The following MCF2L2 variants were observed in gnomAD, a reference collection of about 807,000 sequenced individuals.
MCF2L2 encodes the protein probable guanine nucleotide exchange factor MCF2L2.
A neutral mutation model predicts 150.2 loss-of-function variants in MCF2L2; 102 were observed. That is an observed-to-expected ratio of 0.68 (90% CI 0.58 to 0.80). The LOEUF is 0.80. Ranked by LOEUF, MCF2L2 falls within the 30% of genes least tolerant of loss-of-function variation. MCF2L2 has a pLI of 0.00. For missense variants in MCF2L2, 1,256 were observed against 1,372.8 expected, an observed-to-expected ratio of 0.91 and a Z score of 1.34; for synonymous variants, 465 against 491.3, an observed-to-expected ratio of 0.95 and a Z score of 0.71.
chr3:183,294,402 A>G (rs1162666236), intron 13 of MCF2L2, among the ~76,000 whole-genome samples: 1 of 151,816 alleles, frequency 6.6e-6, no homozygotes, highest in African/African-American at 2.4e-5. Flanking sequence ...CCCAGGCTGG[A>G]GGGCAATGGC....
At chr3:183,334,091 A>G (rs1730375409) in intron 5 of MCF2L2, among the ~76,000 whole-genome samples, 1 of 152,188 alleles carries the variant, frequency 6.6e-6, no homozygotes, top group African/African-American at 2.4e-5. Flanking sequence ...TGAATGACAA[A>G]CCACTGAAAA....
intron 25 of MCF2L2, among the ~76,000 whole-genome samples, chr3:183,202,157 G>A (rs1722309603): frequency 6.6e-6 from 1 of 152,118 alleles, no homozygotes; most frequent in South Asian, 2.1e-4. Context: ...TATTTGATCT[G>A]TCCACGGGTT....
chr3:183,238,021 T>C (rs1723819475), intron 15 of MCF2L2, among the ~76,000 whole-genome samples: 1 of 143,656 alleles, frequency 7.0e-6, no homozygotes, highest in Non-Finnish European at 1.5e-5. Context: ...TTGAGTGAGA[T>C]TCTTAATCCT....
At chr3:183,397,621 A>G (rs565284695) in intron 1 of MCF2L2, among the ~76,000 whole-genome samples, 2 of 152,362 alleles carry the variant, frequency 1.3e-5, no homozygotes, top group East Asian at 3.9e-4. Flanking sequence ...CTGATGGATT[A>G]GTGATTATCT....
chr3:183,206,910 AAAGAAAGGAAGGAAGGAAGGAAGGAAGG>A (rs1354283737), intron 23 of MCF2L2, among the ~76,000 whole-genome samples: 4 of 143,758 alleles, frequency 2.8e-5, no homozygotes, highest in African/African-American at 1.0e-4. Context: ...AGACAGAAAG[AAAGAAAGGAAGGAAGGAAGGAAGGAAGG>A]AAGGAAGGAA....
chr3:183,367,419 G>T (rs763077113), intron 3 of MCF2L2, among the ~76,000 whole-genome samples: 1 of 151,742 alleles, frequency 6.6e-6, no homozygotes, highest in Non-Finnish European at 1.5e-5. Flanking sequence ...TAGTAGAGAT[G>T]GGATTTCACC....
chr3:183,328,353 G>A (rs895542219), intron 5 of MCF2L2, among the ~76,000 whole-genome samples: 8 of 152,134 alleles, frequency 5.3e-5, no homozygotes, highest in Admixed American at 2.6e-4. Context: ...ATCCACAGCT[G>A]GTAGGTCAGA....
In MCF2L2 at chr3:183,341,634, C is replaced by T. The variant is rs987649124; in HGVS notation, c.276-4G>A. 1.2e-6 allele frequency: 2 copies of T among 1,608,562 alleles called. No individual in the cohort carries two copies. The highest frequency in any genetic ancestry group is 2.7e-5 in the African/African-American group (2 of 74,932). On this transcript the variant is annotated splice_polypyrimidine_tract_variant and splice_region_variant and intron_variant, in intron 3 of 29. Transcript: ENST00000328913. Reference sequence around the variant, plus strand: ...TCCAATGCTGGCAGCCTCCACACTGCAAAGAAGGGTGGTCAGTGTCAGAGA... The same window carrying T: ...TCCAATGCTGGCAGCCTCCACACTGTAAAGAAGGGTGGTCAGTGTCAGAGA...
rs996502717 is a variant in MCF2L2 at position 183,197,958 on chromosome 3, G to A, written c.2885-2703C>T. 6.6e-6 allele frequency among the ~76,000 whole-genome samples: 1 copy of A among 152,190 alleles called. No individual in the cohort carries two copies. The highest frequency in any genetic ancestry group is 1.5e-5 in the Non-Finnish European group (1 of 68,028). On this transcript the variant is annotated intron_variant, in intron 25 of 29. Coordinates refer to ENST00000328913, the MANE Select transcript of MCF2L2 (RefSeq NM_015078.4). The surrounding 1 kb of genome is among the most constrained non-coding windows in gnomAD (Gnocchi z 4.5). ...AAGTATTGGTGAGGACATGGCACAAGTGGAACTCTCATACATTACTATGGG... is the reference window on the plus strand; with the variant it reads ...AAGTATTGGTGAGGACATGGCACAAATGGAACTCTCATACATTACTATGGG...
At chr3:183,337,306 C>G (rs1730522640) in intron 5 of MCF2L2, among the ~76,000 whole-genome samples, 1 of 152,088 alleles carries the variant, frequency 6.6e-6, no homozygotes, top group East Asian at 1.9e-4. Flanking sequence ...CCTGTAATCC[C>G]AGCACTTTGG....
intron 1 of MCF2L2, among the ~76,000 whole-genome samples, chr3:183,405,612 T>C (rs1425756005): frequency 6.6e-6 from 1 of 152,366 alleles, no homozygotes; most frequent in East Asian, 1.9e-4. Context: ...GATGTATTCA[T>C]ATTATCATCT....
At chr3:183,395,450 T>TGGTTACCC (rs1446942965) in intron 1 of MCF2L2, among the ~76,000 whole-genome samples, 10 of 152,368 alleles carry the variant, frequency 6.6e-5, no homozygotes, top group African/African-American at 2.2e-4. Context: ...GAATTATATG[T>TGGTTACCC]GGTTACCCCT....
chr3:183,191,887 C>T (rs1022208655), intron 27 of MCF2L2, among the ~76,000 whole-genome samples: 1 of 152,018 alleles, frequency 6.6e-6, no homozygotes, highest in African/African-American at 2.4e-5. Flanking sequence ...GTTGCCCAGG[C>T]TGGAGTGCAG....
At chr3:183,339,340 C>T (rs960999210) in intron 4 of MCF2L2, among the ~76,000 whole-genome samples, 1 of 151,904 alleles carries the variant, frequency 6.6e-6, no homozygotes, top group African/African-American at 2.4e-5. Context: ...ATTTTGTAAC[C>T]GGCCTTCTCA....
At chr3:183,311,887 G>T in intron 7 of MCF2L2, 115 bp from the exon 8 acceptor site, 1 of 907,162 alleles carries the variant, frequency 1.1e-6, no homozygotes, top group Non-Finnish European at 1.6e-6. Flanking sequence ...ATTAAATGCT[G>T]ATGAAGTCAA....
At chr3:183,382,452 T>C (rs1713586719) in intron 2 of MCF2L2, among the ~76,000 whole-genome samples, 1 of 152,202 alleles carries the variant, frequency 6.6e-6, no homozygotes, top group African/African-American at 2.4e-5. Flanking sequence ...CTACCAATAC[T>C]GAACAGCAGA....
chr3:183,341,056 G>A (rs1730675772), intron 4 of MCF2L2, among the ~76,000 whole-genome samples: 1 of 152,212 alleles, frequency 6.6e-6, no homozygotes, highest in Non-Finnish European at 1.5e-5. Flanking sequence ...GTGATTCCAG[G>A]AAGCACGAAT....
intron 1 of MCF2L2, 33 bp downstream of exon 1, chr3:183,427,869 A>G (rs1488210144): frequency 3.1e-6 from 5 of 1,597,792 alleles, no homozygotes; most frequent in Non-Finnish European, 3.4e-6. Context: ...CCCGCCATTA[A>G]TAAAACGCAG....
Position 183,364,942 on chromosome 3 carries a change from G to A in MCF2L2, c.275+14355C>T, listed in dbSNP as rs867291473. On this transcript the variant is annotated intron_variant, in intron 3 of 29. Transcript: ENST00000328913. The stretch of plus-strand genomic sequence containing the variant: ...CAAAATCAATGACCACATACACATA[G>A]TCTCAATGCCACAAAATTGTTTCAG... Among the ~76,000 whole-genome samples, 16 of 152,206 alleles carry A rather than the reference G, an allele frequency of 1.1e-4. 1 individual carries two copies. In the Middle Eastern group the frequency reaches 0.01, roughly 97 times the overall value.
Sources: allele counts gnomAD v4.1 joint callset (sites outside exome capture counted in the v4.1 genomes callset), GRCh38; gene constraint gnomAD v4.1.1; non-coding constraint Gnocchi (gnomAD v3.1); transcripts MANE v1.5; gene names NCBI Gene and HGNC (gene_info 2026-07-23, HGNC 2026-07-21).